The following SH2B1 variants were observed in gnomAD, a reference collection of about 807,000 sequenced individuals.
SH2B1 encodes the protein SH2B adapter protein 1.
In SH2B1, 15 loss-of-function variants were observed where a neutral mutation model predicts 62.6. The ratio of observed to expected loss-of-function variants is 0.24; its 90% CI spans 0.16 to 0.37. The LOEUF (loss-of-function observed/expected upper bound fraction) is 0.37. Among genes scored for constraint, SH2B1 ranks in the 10% least tolerant of loss-of-function variants. SH2B1 has a pLI of 1.00. For missense variants in SH2B1, 925 were observed against 1,015.6 expected (o/e 0.91, Z 1.21); for synonymous variants, 443 against 438.0 (o/e 1.01, Z -0.14).
intron 1 of SH2B1, among the ~76,000 whole-genome samples, chr16:28,854,521 C>T (rs1343492334): frequency 6.6e-6 from 1 of 151,832 alleles, no homozygotes; most frequent in Non-Finnish European, 1.5e-5. Flanking sequence ...TTTAGGAGGC[C>T]GAGGAGGGTG....
intron 1 of SH2B1, among the ~76,000 whole-genome samples, chr16:28,852,016 G>A (rs1376638760): frequency 6.7e-6 from 1 of 148,776 alleles, no homozygotes; most frequent in African/African-American, 2.5e-5. Flanking sequence ...GCAGTGAGCC[G>A]AGATTGTGCC....
chr16:28,871,698 C>A, intron 4 of SH2B1, 82 bp from the exon 5 acceptor site: 3 of 1,125,348 alleles, frequency 2.7e-6, no homozygotes, highest in Non-Finnish European at 4.0e-6. Context: ...ACAGGGTAGA[C>A]TGCTGGTGAG....
upstream of SH2B1, among the ~76,000 whole-genome samples, chr16:28,861,953 G>A (rs539796449): frequency 3.9e-5 from 6 of 152,356 alleles, no homozygotes; most frequent in African/African-American, 1.4e-4. Context: ...TAAGAGAGGA[G>A]AGCCTGCCTG....
Position 28,869,298 on chromosome 16 carries a change from G to A in SH2B1, c.1224G>A (p.Glu408=), listed in dbSNP as rs753749705. Residue 408 remains glutamate (E), a synonymous_variant, in exon 4 of 8, where the codon GAG becomes GAA. Transcript: ENST00000684370. ...FLTRENTDSL[E]LSCLNHSESL... ...CAAGGGAGAACACAGACAGCCTGGA[G>A]CTGTCCTGCCTGAATCACTCGGAGA... 9 of 1,613,974 alleles carry A rather than the reference G, an allele frequency of 5.6e-6. No homozygotes were observed. The highest frequency in any genetic ancestry group is 3.3e-4 in the Middle Eastern group (2 of 6,084).
At chr16:28,863,355 G>C (rs1295110564), upstream of SH2B1, 2 of 271,000 alleles carry the variant, frequency 7.4e-6, no homozygotes, top group Non-Finnish European at 1.4e-5. Flanking sequence ...CGTAAGTTCA[G>C]GCTCCGCCTC....
chr16:28,852,948 AT>A (rs371078032), intron 1 of SH2B1, among the ~76,000 whole-genome samples: 1,503 of 49,608 alleles, frequency 0.03, 299 homozygotes, highest in African/African-American at 0.11. Context: ...GTACATATAT[AT>A]TTTATATATG....
rs1306797827 is a variant in SH2B1, at chr16:28,873,215, G to A, written c.1898-232G>A. The A allele has an allele frequency of 6.2e-7, 1 of 1,603,346 alleles. No individual in the cohort carries two copies. The highest frequency in any genetic ancestry group is 8.5e-7 in the Non-Finnish European group (1 of 1,177,618). On this transcript the variant is annotated intron_variant, in intron 7 of 7. Transcript: ENST00000684370. This position sits in a 1 kb window ranked among gnomAD's most constrained non-coding sequence, Gnocchi z 4.2. ...CATGCGGGGGTGTGCGAGGGAGATG[G>A]ATGCCACCCCGATGCCTCCTGCACC...
chr16:28,852,733 TAC>T (rs1440093978), intron 1 of SH2B1, among the ~76,000 whole-genome samples: 2 of 64,372 alleles, frequency 3.1e-5, no homozygotes, highest in Admixed American at 3.0e-4. Context: ...TTTATATATA[TAC>T]ATATATATAT....
Position 28,873,724 on chromosome 16 carries a change from G to A in SH2B1, c.2175G>A (p.Val725=). The change falls in exon 8 of 8, where the codon GTG becomes GTA. Residue 725 remains valine, a synonymous_variant. Transcript: ENST00000684370. The surrounding 1 kb of genome is among the most constrained non-coding windows in gnomAD (Gnocchi z 4.2). ...CTGGGTCTGGTGGGGACGCGGGGGT[G>A]CCCCCAATGGTGCAGCTGCAGCAGT... ...QGAGSGGDAG[V]PPMVQLQQSP... 1.3e-6 allele frequency: 2 copies of A among 1,492,158 alleles called. No individual in the cohort carries two copies. The highest frequency in any genetic ancestry group is 8.9e-7 in the Non-Finnish European group (1 of 1,119,610). The allele number at this position is 1,492,158 out of a possible 1,614,324, so 92.4% of individuals were successfully genotyped here. A position where few individuals can be genotyped will look rare whatever the true frequency, so the allele number is the denominator to read the frequency against.
Position 28,873,833 on chromosome 16 carries a change from C to A in SH2B1, c.*13C>A, listed in dbSNP as rs969862227. 5.6e-6 allele frequency: 8 copies of A among 1,421,028 alleles called. No individual in the cohort carries two copies. 88.0% of individuals were successfully genotyped at this position (1,421,028 alleles called of 1,614,324 possible). A position where few individuals can be genotyped will look rare whatever the true frequency, so the allele number is the denominator to read the frequency against. ...CTCCTTCGTGTGAGCCAACCCCACCCGCTCCACCCTTTTTAAACCCCCCAG... is the reference window on the plus strand; with the variant it reads ...CTCCTTCGTGTGAGCCAACCCCACCAGCTCCACCCTTTTTAAACCCCCCAG... On this transcript the variant is annotated 3_prime_UTR_variant, in exon 8 of 8. Coordinates refer to ENST00000684370, the MANE Select transcript of SH2B1 (RefSeq NM_001387430.1). This position sits in a 1 kb window ranked among gnomAD's most constrained non-coding sequence, Gnocchi z 4.2.
At chr16:28,853,003 T>G (rs1389401513) in intron 1 of SH2B1, among the ~76,000 whole-genome samples, 2 of 90,270 alleles carry the variant, frequency 2.2e-5, no homozygotes, top group South Asian at 5.8e-4. Flanking sequence ...CATATATATG[T>G]ACATATATAT....
At chr16:28,848,797 G>A (rs1266180971) in intron 1 of SH2B1, among the ~76,000 whole-genome samples, 5 of 149,158 alleles carry the variant, frequency 3.4e-5, no homozygotes, top group East Asian at 4.1e-4. Context: ...TCAGCCTCCC[G>A]AGTAGCTGGG....
rs1567458428 is a variant in SH2B1 at position 28,852,392 on chromosome 16, A to ATACATATATT, written c.-301+5574_-301+5575insTTACATATAT. Among the ~76,000 whole-genome samples, 20 of 72,344 alleles carry ATACATATATT rather than the reference A, an allele frequency of 2.8e-4. 2 individuals are homozygous for ATACATATATT. Among genetic ancestry groups the ATACATATATT allele is most frequent in the African/African-American group, 1.3e-3 (19 of 15,018 alleles). 47.5% of individuals were successfully genotyped at this position (72,344 alleles called of 152,430 possible). On this transcript the variant is annotated intron_variant, in intron 1 of 10. Coordinates refer to the SH2B1 transcript ENST00000322610. ...TATATATTTACATATATTTATATAT[A>ATACATATATT]TACATATATATTTACATATATATTT...
Position 28,873,273 on chromosome 16 carries a change from AGT to A in SH2B1, c.1898-170_1898-169del. 6.2e-7 allele frequency: 1 copy of A among 1,606,160 alleles called. No homozygotes were observed. Among genetic ancestry groups the A allele is most frequent in the Non-Finnish European group, 8.5e-7 (1 of 1,177,510 alleles). ...CCTTCGGAGCGAGTGACTGTGTGTA[AGT>A]GTGGTCCTCCTCTCACCACCGCCCA... On this transcript the variant is annotated intron_variant, in intron 7 of 7. Transcript: ENST00000684370. This position sits in a 1 kb window ranked among gnomAD's most constrained non-coding sequence, Gnocchi z 4.2.
intron 1 of SH2B1, among the ~76,000 whole-genome samples, chr16:28,858,028 C>T (rs538649047): frequency 1.3e-5 from 2 of 152,006 alleles, no homozygotes; most frequent in East Asian, 2.0e-4. Context: ...CGTGAGCCAC[C>T]GCGCCCGGCC....
chr16:28,863,904 C>A lies in SH2B1; in HGVS notation c.-2191C>A. 7 of 1,275,574 alleles carry A rather than the reference C, an allele frequency of 5.5e-6. No individual in the cohort carries two copies. Among genetic ancestry groups the A allele is most frequent in the Admixed American group, 2.5e-5 (1 of 40,470 alleles). The allele number at this position is 1,275,574 out of a possible 1,614,324, so 79.0% of individuals were successfully genotyped here. A position where few individuals can be genotyped will look rare whatever the true frequency, so the allele number is the denominator to read the frequency against. Reference sequence around the variant, plus strand: ...GCGCAGGGAGCGGGAGCCGCCGCCGCCGCCGCCGCCGCCGGAGCTAACCTC... The same window carrying A: ...GCGCAGGGAGCGGGAGCCGCCGCCGACGCCGCCGCCGCCGGAGCTAACCTC... On this transcript the variant is annotated 5_prime_UTR_variant, in exon 1 of 8. Coordinates refer to ENST00000684370, the MANE Select transcript of SH2B1 (RefSeq NM_001387430.1).
chr16:28,872,504 C>T lies in SH2B1; in HGVS notation c.1726-30C>T. 1.3e-6 allele frequency: 2 copies of T among 1,594,636 alleles called. No homozygotes were observed. ...TTTGTACCTGGCAGGGCCTTTGCCT[C>T]CTACCTCACCTCCCCCATCCCGCCC... On this transcript the variant is annotated intron_variant, in intron 6 of 7. Transcript: ENST00000684370. This position sits in a 1 kb window ranked among gnomAD's most constrained non-coding sequence, Gnocchi z 5.3.
At chr16:28,853,109 T>A (rs1962238959) in intron 1 of SH2B1, among the ~76,000 whole-genome samples, 1 of 125,340 alleles carries the variant, frequency 8.0e-6, no homozygotes, top group Non-Finnish European at 1.6e-5. Context: ...TATTTATATA[T>A]ACATTTATAT....
upstream of SH2B1, chr16:28,863,777 C>T (rs1171508497): frequency 3.3e-6 from 5 of 1,535,726 alleles, no homozygotes; most frequent in Admixed American, 3.9e-5. Context: ...GTGCCCTTCC[C>T]TCCCGCCGCT....
Sources: allele counts gnomAD v4.1 joint callset (sites outside exome capture counted in the v4.1 genomes callset), GRCh38; gene constraint gnomAD v4.1.1; non-coding constraint Gnocchi (gnomAD v3.1); transcripts MANE v1.5; gene names NCBI Gene and HGNC (gene_info 2026-07-23, HGNC 2026-07-21).